Variants in EEA1 observed in about 807,000 individuals in gnomAD.
EEA1 encodes the protein early endosome antigen 1, also known as early endosome antigen 1, 162kD.
In EEA1, 111 loss-of-function variants were observed where a neutral mutation model predicts 209.2. That is an observed-to-expected ratio of 0.53 (90% CI 0.45 to 0.62). The LOEUF is 0.62. Ranked by LOEUF, EEA1 falls within the 20% of genes least tolerant of loss-of-function variation. The pLI, the probability that EEA1 is intolerant of heterozygous loss-of-function variation, is 0.00. For missense variants in EEA1, 1,343 were observed against 1,530.8 expected (o/e 0.88, Z 2.05); for synonymous variants, 536 against 540.6 (o/e 0.99, Z 0.12).
At chr12:92,844,715 A>G (rs1263287785) in intron 9 of EEA1, among the ~76,000 whole-genome samples, 2 of 152,140 alleles carry the variant, frequency 1.3e-5, no homozygotes, top group Non-Finnish European at 1.5e-5. Context: ...AAAAATGCCA[A>G]TTTATTACAA....
At chr12:92,857,630 GCATA>G in intron 3 of EEA1, 145 bp from the exon 4 acceptor site, 1 of 475,490 alleles carries the variant, frequency 2.1e-6, no homozygotes. Context: ...ATCTATAATA[GCATA>G]TATATAAATC....
chr12:92,804,662 T>G (rs994392497), intron 18 of EEA1, among the ~76,000 whole-genome samples: 3 of 150,658 alleles, frequency 2.0e-5, no homozygotes, highest in Non-Finnish European at 3.0e-5. Flanking sequence ...AACCTACACA[T>G]TAAAGAAGGA....
chr12:92,808,388 A>G (rs1258676413), intron 18 of EEA1, among the ~76,000 whole-genome samples: 1 of 152,226 alleles, frequency 6.6e-6, no homozygotes. Context: ...TCGCATCAAT[A>G]AGAAAAACAA....
At chr12:92,927,093 A>T (rs949119708) in intron 1 of EEA1, among the ~76,000 whole-genome samples, 1 of 152,210 alleles carries the variant, frequency 6.6e-6, no homozygotes, top group African/African-American at 2.4e-5. Context: ...TTCCTACTAA[A>T]GAGTTAATGC....
At chr12:92,811,219 T>A in intron 17 of EEA1, 60 bp downstream of exon 17, 2 of 1,106,484 alleles carry the variant, frequency 1.8e-6, no homozygotes, top group South Asian at 5.4e-5. Flanking sequence ...ATGTAGGTCA[T>A]GAGATTCCAT....
At chr12:92,905,128 T>C (rs1880318336) in intron 1 of EEA1, among the ~76,000 whole-genome samples, 1 of 152,164 alleles carries the variant, frequency 6.6e-6, no homozygotes, top group Admixed American at 6.5e-5. Context: ...AAGGTACTTA[T>C]TATGAATGAC....
chr12:92,852,334 G>A, intron 7 of EEA1, 38 bp from the exon 8 acceptor site: 2 of 1,442,340 alleles, frequency 1.4e-6, no homozygotes, highest in South Asian at 1.4e-5. Context: ...AGTTTAAGGG[G>A]AGGACAGTTT....
intron 2 of EEA1, among the ~76,000 whole-genome samples, chr12:92,877,363 A>G (rs1393577060): frequency 6.6e-6 from 1 of 152,022 alleles, no homozygotes; most frequent in East Asian, 1.9e-4. Flanking sequence ...GAGAGGAGAT[A>G]GGAGGTGGGT....
chr12:92,799,669 C>G (rs982568873), intron 20 of EEA1, among the ~76,000 whole-genome samples: 6 of 151,962 alleles, frequency 3.9e-5, no homozygotes, highest in Admixed American at 3.9e-4. Flanking sequence ...TGCCTGTAGT[C>G]CCAGCTACTC....
rs182939630 is a variant in EEA1, at chr12:92,793,566, A to G, written c.2967+5326T>C. 3.2e-3 allele frequency among the ~76,000 whole-genome samples: 490 copies of G among 152,348 alleles called. 2 individuals carry two copies. Among genetic ancestry groups the G allele is most frequent in the African/African-American group, 0.011 (467 of 41,578 alleles). On this transcript the variant is annotated intron_variant, in intron 21 of 28. Transcript: ENST00000322349. Reference sequence around the variant, plus strand: ...AGAGAATAAAATACCTAGGAATCCAACTTACAAGGGATGTGAAGGACATCT... The same window carrying G: ...AGAGAATAAAATACCTAGGAATCCAGCTTACAAGGGATGTGAAGGACATCT...
intron 9 of EEA1, among the ~76,000 whole-genome samples, chr12:92,849,419 C>T (rs1357296733): frequency 6.6e-6 from 1 of 152,154 alleles, no homozygotes; most frequent in East Asian, 1.9e-4. Context: ...TTGATTCAGC[C>T]TCTCCTTGAT....
intron 2 of EEA1, chr12:92,883,737 A>C: frequency 2.5e-6 from 3 of 1,221,370 alleles, no homozygotes; most frequent in Non-Finnish European, 3.6e-6. Context: ...GACGCCACTG[A>C]AGAAGCATCG....
At chr12:92,784,074 T>C (rs1183483584) in intron 22 of EEA1, among the ~76,000 whole-genome samples, 1 of 152,172 alleles carries the variant, frequency 6.6e-6, no homozygotes, top group Non-Finnish European at 1.5e-5. Context: ...ACTAAACCCC[T>C]TGAGGCTTTT....
intron 1 of EEA1, among the ~76,000 whole-genome samples, chr12:92,900,372 C>T (rs2248345): frequency 0.93 from 140,702 of 151,954 alleles, 65,232 homozygotes; most frequent in East Asian, 1. Context: ...TCCCTTTAAA[C>T]TTTCCCAAAA....
intron 10 of EEA1, 42 bp from the exon 11 acceptor site, chr12:92,832,892 T>C: frequency 7.1e-7 from 1 of 1,398,986 alleles, no homozygotes; most frequent in Non-Finnish European, 9.7e-7. Flanking sequence ...TTCTAATATT[T>C]TTAATTACTC....
chr12:92,842,340 T>C, intron 10 of EEA1, 125 bp downstream of exon 10: 2 of 551,372 alleles, frequency 3.6e-6, no homozygotes, highest in Admixed American at 3.6e-5. Context: ...TGTGAACATA[T>C]TAAACACTAA....
At chr12:92,817,136 T>A (rs1344561214) in intron 14 of EEA1, among the ~76,000 whole-genome samples, 2 of 151,236 alleles carry the variant, frequency 1.3e-5, no homozygotes, top group African/African-American at 4.9e-5. Context: ...TGACATTAAT[T>A]GTACTTATGC....
chr12:92,923,845 CA>C (rs200069645), intron 1 of EEA1, among the ~76,000 whole-genome samples: 12,417 of 75,208 alleles, frequency 0.17, 396 homozygotes, highest in Middle Eastern at 0.22. Context: ...ACCTCATCTA[CA>C]AAAAAAAAAA....
chr12:92,887,437 G>A (rs1879461555), intron 2 of EEA1, among the ~76,000 whole-genome samples: 1 of 152,094 alleles, frequency 6.6e-6, no homozygotes, highest in Non-Finnish European at 1.5e-5. Flanking sequence ...TTAAAGCCAG[G>A]AGTTCAAGAT....
Sources: allele counts gnomAD v4.1 joint callset (sites outside exome capture counted in the v4.1 genomes callset), GRCh38; gene constraint gnomAD v4.1.1; transcripts MANE v1.5; gene names NCBI Gene and HGNC (gene_info 2026-07-23, HGNC 2026-07-21).